Variants in PFKFB3 observed in about 807,000 individuals in gnomAD.
PFKFB3 encodes 6-phosphofructo-2-kinase/fructose-2,6-biphosphatase 3.
In PFKFB3, 33 loss-of-function variants were observed where a neutral mutation model predicts 68.0. The ratio of observed to expected loss-of-function variants is 0.49; its 90% CI spans 0.37 to 0.65. The LOEUF (loss-of-function observed/expected upper bound fraction) is 0.65, where lower values mean the gene tolerates loss of function less well. Ranked by LOEUF, PFKFB3 falls within the 30% of genes least tolerant of loss-of-function variation. PFKFB3 has a pLI of 0.00. For missense variants in PFKFB3, 586 were observed against 712.2 expected (o/e 0.82, Z 2.02); for synonymous variants, 315 against 288.2 (o/e 1.09, Z -0.94).
the PFKFB3 span, among the ~76,000 whole-genome samples, chr10:6,289,765 A>G: frequency 6.6e-6 from 1 of 151,968 alleles, no homozygotes; most frequent in African/African-American, 2.4e-5. Context: ...CTTGATGGGG[A>G]TGGCATTGAA....
In PFKFB3 at chr10:6,221,644, G is replaced by A. The variant is rs371075114; in HGVS notation, c.982G>A (p.Val328Ile). Residue 328 changes from valine to isoleucine, a missense_variant, in exon 10 of 15, where the codon GTC becomes ATC. Transcript: ENST00000379775. ...WKALNEIDAG[V>I]CEELTYEEIR... ...AGTGACCACTGGGTCCCCGCAGGGC[G>A]TCTGTGAGGAGCTGACCTACGAGGA... 1.1e-4 allele frequency: 181 copies of A among 1,610,574 alleles called. 2 individuals carry two copies. In the Middle Eastern group the frequency reaches 6.6e-3, roughly 59 times the overall value.
the PFKFB3 span, among the ~76,000 whole-genome samples, chr10:6,271,449 T>A: frequency 6.6e-6 from 1 of 152,120 alleles, no homozygotes; most frequent in Non-Finnish European, 1.5e-5. Context: ...AATGGCAGGA[T>A]GAAGAGCCTG....
At chr10:6,231,987 C>T (rs1448674771) in intron 14 of PFKFB3, among the ~76,000 whole-genome samples, 2 of 152,240 alleles carry the variant, frequency 1.3e-5, no homozygotes, top group South Asian at 4.1e-4. Context: ...TGACTTTCCT[C>T]CCTGTGGATG....
intron 14 of PFKFB3, among the ~76,000 whole-genome samples, chr10:6,241,851 T>TC (rs1846148700): frequency 6.6e-6 from 1 of 151,752 alleles, no homozygotes. Flanking sequence ...TCTTTTCTTT[T>TC]TTTTTTTTTA....
At chr10:6,268,054 G>A in the PFKFB3 span, among the ~76,000 whole-genome samples, 4 of 151,506 alleles carry the variant, frequency 2.6e-5, no homozygotes, top group African/African-American at 4.9e-5. Context: ...GGCCCTGTGC[G>A]ACGGAGCAGT....
At chr10:6,272,334 A>G in the PFKFB3 span, among the ~76,000 whole-genome samples, 4 of 152,222 alleles carry the variant, frequency 2.6e-5, no homozygotes, top group African/African-American at 9.6e-5. Context: ...CTATTAGGAC[A>G]TCGGGGTTTC....
At chr10:6,280,979 CA>C in the PFKFB3 span, among the ~76,000 whole-genome samples, 1 of 150,908 alleles carries the variant, frequency 6.6e-6, no homozygotes, top group Admixed American at 6.6e-5. Flanking sequence ...CCTGAGTCCC[CA>C]AAGTCCATTG....
Position 6,228,711 on chromosome 10 carries a change from A to G in PFKFB3, c.1515+2346A>G, listed in dbSNP as rs1457528966. Among the ~76,000 whole-genome samples the G allele has an allele frequency of 6.6e-6, 1 of 152,046 alleles. No homozygotes were observed. Among genetic ancestry groups the G allele is most frequent in the Non-Finnish European group, 1.5e-5 (1 of 67,994 alleles). On this transcript the variant is annotated intron_variant, in intron 14 of 14. Coordinates refer to ENST00000379775, the MANE Select transcript of PFKFB3 (RefSeq NM_004566.4). The surrounding 1 kb of genome is among the most constrained non-coding windows in gnomAD (Gnocchi z 4.5). ...AATAGTGGGAGTGTGGTGGGGCCTG[A>G]GCTCTGAGCCTCTCCCTCCCCATGA... is the stretch of plus-strand genomic sequence containing the variant.
the PFKFB3 span, among the ~76,000 whole-genome samples, chr10:6,268,804 T>G: frequency 6.6e-6 from 1 of 151,728 alleles, no homozygotes; most frequent in African/African-American, 2.4e-5. Context: ...GGCCAATTGC[T>G]TGAGCCCAGG....
chr10:6,184,022 G>A (rs1842799451), intron 1 of PFKFB3, among the ~76,000 whole-genome samples: 1 of 142,950 alleles, frequency 7.0e-6, no homozygotes, highest in African/African-American at 2.6e-5. Flanking sequence ...ACAGGCATGA[G>A]CATCACTGGA....
At chr10:6,266,741 A>T in the PFKFB3 span, among the ~76,000 whole-genome samples, 1 of 152,224 alleles carries the variant, frequency 6.6e-6, no homozygotes, top group Non-Finnish European at 1.5e-5. Context: ...TCCAAGTAAA[A>T]TGTAGGACTC....
chr10:6,212,493 C>T (rs547073205), intron 1 of PFKFB3, among the ~76,000 whole-genome samples: 8 of 152,240 alleles, frequency 5.3e-5, no homozygotes, highest in South Asian at 4.2e-4. Context: ...GCTTCGTGAC[C>T]GGCCCTTCCC....
chr10:6,294,946 T>A, the PFKFB3 span, among the ~76,000 whole-genome samples: 1 of 152,170 alleles, frequency 6.6e-6, no homozygotes, highest in East Asian at 1.9e-4. Flanking sequence ...TGATGTTTGA[T>A]TTGTTTCTTC....
At position 6,210,489 on chromosome 10, in the gene PFKFB3, T is replaced by C. The variant is rs189902503; in HGVS notation, c.77-3134T>C. On this transcript the variant is annotated intron_variant, in intron 1 of 14. Transcript: ENST00000379775. The stretch of plus-strand genomic sequence containing the variant: ...CATTCTCCTGCCTCAGCCTCCCGAG[T>C]AGCTGGGACTACAGGCGCCCGCCAA... Among the ~76,000 whole-genome samples the C allele has an allele frequency of 3.2e-3, 363 of 114,462 alleles. 28 individuals carry two copies. The highest frequency in any genetic ancestry group is 9.2e-3 in the African/African-American group (341 of 37,098). 75.1% of individuals were successfully genotyped at this position (114,462 alleles called of 152,430 possible). A position where few individuals can be genotyped will look rare whatever the true frequency, so the allele number is the denominator to read the frequency against.
rs112084022 is a variant in PFKFB3, at chr10:6,205,225, G to A, written c.76+1889G>A. Among the ~76,000 whole-genome samples, 59 of 152,188 alleles carry A rather than the reference G, an allele frequency of 3.9e-4. 1 individual carries two copies. Among genetic ancestry groups the A allele is most frequent in the African/African-American group, 1.3e-3 (54 of 41,532 alleles). Reference sequence around the variant, plus strand: ...TAAAAAGATCCGCAGCCTGGGTATCGCACATCCTTATTTCAAGTGGTGGTG... The same window carrying A: ...TAAAAAGATCCGCAGCCTGGGTATCACACATCCTTATTTCAAGTGGTGGTG... On this transcript the variant is annotated intron_variant, in intron 1 of 14. Transcript: ENST00000379775.
intron 13 of PFKFB3, chr10:6,224,545 G>A (rs2132003585): frequency 2.1e-6 from 1 of 477,438 alleles, no homozygotes; most frequent in South Asian, 1.6e-5. Flanking sequence ...CGGTGGCGCA[G>A]TCACGGCTCA....
chr10:6,155,623 C>T (rs1191011267), intron 1 of PFKFB3, among the ~76,000 whole-genome samples: 3 of 152,062 alleles, frequency 2.0e-5, no homozygotes, highest in African/African-American at 7.2e-5. Context: ...AGCATGGACC[C>T]CCACTCCAGG....
At chr10:6,172,387 C>A (rs373877340) in intron 1 of PFKFB3, among the ~76,000 whole-genome samples, 3 of 152,340 alleles carry the variant, frequency 2.0e-5, no homozygotes, top group African/African-American at 7.2e-5. Flanking sequence ...CAGGACACTT[C>A]GCTGGCCTTT....
the PFKFB3 span, among the ~76,000 whole-genome samples, chr10:6,268,274 T>C: frequency 6.6e-6 from 1 of 152,168 alleles, no homozygotes; most frequent in East Asian, 1.9e-4. Flanking sequence ...TTTTGGAGAT[T>C]GCGTAGAGGG....
Sources: allele counts gnomAD v4.1 joint callset (sites outside exome capture counted in the v4.1 genomes callset), GRCh38; gene constraint gnomAD v4.1.1; non-coding constraint Gnocchi (gnomAD v3.1); transcripts MANE v1.5; gene names NCBI Gene and HGNC (gene_info 2026-07-23, HGNC 2026-07-21).